Variants in CA8 observed in about 807,000 individuals in gnomAD.
CA8 encodes the protein carbonic anhydrase-related protein.
In CA8, 22 loss-of-function variants were observed where a neutral mutation model predicts 41.4. That is an observed-to-expected ratio of 0.53 (90% CI 0.38 to 0.76). The LOEUF (loss-of-function observed/expected upper bound fraction) is 0.76. Among genes scored for constraint, CA8 ranks in the 30% least tolerant of loss-of-function variants. CA8 has a pLI of 0.00. For synonymous variants in CA8, 121 were observed against 130.6 expected (o/e 0.93, Z 0.50); for missense variants, 270 against 352.8 (o/e 0.77, Z 1.88).
At chr8:60,231,920 C>A (rs1358494350) in intron 4 of CA8, among the ~76,000 whole-genome samples, 1 of 152,248 alleles carries the variant, frequency 6.6e-6, no homozygotes, top group Admixed American at 6.5e-5. Flanking sequence ...CTACTACATA[C>A]TTCTATTATT....
At chr8:60,197,862 A>C (rs954157924) in intron 8 of CA8, among the ~76,000 whole-genome samples, 1 of 152,238 alleles carries the variant, frequency 6.6e-6, no homozygotes, top group Non-Finnish European at 1.5e-5. Flanking sequence ...AAGATGAGAA[A>C]GAGATGTAGA....
At chr8:60,256,966 G>T (rs551732468) in intron 3 of CA8, among the ~76,000 whole-genome samples, 1 of 151,990 alleles carries the variant, frequency 6.6e-6, no homozygotes, top group African/African-American at 2.4e-5. Context: ...AACGTTTTTT[G>T]TTTTATTTGT....
At chr8:60,263,381 T>C (rs970412226) in intron 3 of CA8, among the ~76,000 whole-genome samples, 2 of 151,496 alleles carry the variant, frequency 1.3e-5, no homozygotes, top group African/African-American at 4.9e-5. Context: ...GAGTAAGTAT[T>C]TGCTTATAGT....
intron 8 of CA8, among the ~76,000 whole-genome samples, chr8:60,204,736 G>A (rs1806529070): frequency 6.6e-6 from 1 of 152,208 alleles, no homozygotes; most frequent in African/African-American, 2.4e-5. Flanking sequence ...AGAGCCTTCA[G>A]TTCTAACCCT....
intron 4 of CA8, among the ~76,000 whole-genome samples, chr8:60,230,048 A>G (rs1371757520): frequency 2.0e-5 from 3 of 152,142 alleles, no homozygotes; most frequent in East Asian, 1.9e-4. Context: ...CTTCTGGTCT[A>G]TTTCAAGACT....
chr8:60,277,327 A>G (rs560606678), intron 2 of CA8, among the ~76,000 whole-genome samples: 40 of 152,226 alleles, frequency 2.6e-4, no homozygotes, highest in Non-Finnish European at 5.0e-4. Flanking sequence ...CCACAGGCAG[A>G]AAGAACCACA....
At chr8:60,254,280 A>G (rs762330013) in intron 3 of CA8, among the ~76,000 whole-genome samples, 1 of 152,258 alleles carries the variant, frequency 6.6e-6, no homozygotes, top group Non-Finnish European at 1.5e-5. Flanking sequence ...CTCAAAACTC[A>G]GTAAACAGCC....
intron 8 of CA8, 179 bp downstream of exon 8, chr8:60,208,570 TA>T: frequency 1.6e-6 from 1 of 618,650 alleles, no homozygotes; most frequent in South Asian, 2.0e-5. Flanking sequence ...CAATACTGCA[TA>T]AAATTAAAAT....
intron 5 of CA8, among the ~76,000 whole-genome samples, chr8:60,224,868 T>G (rs1392178095): frequency 4.6e-5 from 7 of 152,260 alleles, no homozygotes; most frequent in African/African-American, 1.7e-4. Flanking sequence ...GTCAGTTACC[T>G]TTTCTGCTCT....
In CA8 at chr8:60,191,457, A is replaced by C. The variant is rs73683372; in HGVS notation, c.*36-1472T>G. The stretch of plus-strand genomic sequence containing the variant: ...CAAACTATGTTCCATAAAAAACAAC[A>C]ACCTGGTTGAAAAAACGAATCCATG... On this transcript the variant is annotated intron_variant, in intron 8 of 8. Transcript: ENST00000317995. Among the ~76,000 whole-genome samples, 1,444 of 152,198 alleles carry C rather than the reference A, an allele frequency of 9.5e-3. 21 individuals are homozygous for C. The highest frequency in any genetic ancestry group is 0.033 in the African/African-American group (1,386 of 41,542).
In CA8 at chr8:60,281,029, C is replaced by T. The variant is rs10086200; in HGVS notation, c.100+19G>A. 0.4 allele frequency: 632,267 copies of T among 1,581,286 alleles called. 128,833 individuals carry two copies. The highest frequency in any genetic ancestry group is 0.49 in the African/African-American group (36,304 of 74,234). On this transcript the variant is annotated intron_variant, in intron 1 of 8. Transcript: ENST00000317995. ...ACGCCGCCGCGGGACCCCGGACACC[C>T]CGACTCGCGGCCACTTACCTTCCTC... is the stretch of plus-strand genomic sequence containing the variant.
At chr8:60,196,471 A>T (rs1213947688) in intron 8 of CA8, among the ~76,000 whole-genome samples, 1 of 152,170 alleles carries the variant, frequency 6.6e-6, no homozygotes, top group Non-Finnish European at 1.5e-5. Flanking sequence ...GCCATACTCA[A>T]GCTGACTCCA....
Position 60,281,242 on chromosome 8 carries a change from G to C in CA8, c.-95C>G. Reference sequence around the variant, plus strand: ...GCCGGAGCGGAGCGCGCGTGGGGGAGTGTGAGCACGCGTGAGCGGCAGTGT... The same window carrying C: ...GCCGGAGCGGAGCGCGCGTGGGGGACTGTGAGCACGCGTGAGCGGCAGTGT... On this transcript the variant is annotated 5_prime_UTR_variant, in exon 1 of 9. Coordinates refer to ENST00000317995, the MANE Select transcript of CA8 (RefSeq NM_004056.6). 2.4e-6 allele frequency: 2 copies of C among 824,234 alleles called. No individual in the cohort carries two copies. Among genetic ancestry groups the C allele is most frequent in the Non-Finnish European group, 4.0e-6 (2 of 503,978 alleles). 51.1% of individuals were successfully genotyped at this position (824,234 alleles called of 1,614,324 possible).
chr8:60,249,997 C>T (rs1175199169), intron 3 of CA8, among the ~76,000 whole-genome samples: 1 of 152,136 alleles, frequency 6.6e-6, no homozygotes, highest in Admixed American at 6.6e-5. Context: ...TACCTAGCAT[C>T]AGAAATATAA....
chr8:60,226,808 C>T (rs1307102955), intron 5 of CA8, 65 bp downstream of exon 5: 4 of 883,208 alleles, frequency 4.5e-6, no homozygotes, highest in Non-Finnish European at 3.8e-6. Flanking sequence ...GCATCGAGCC[C>T]GCAGGTGGTC....
At chr8:60,208,568 C>T in intron 8 of CA8, 182 bp downstream of exon 8, 2 of 613,966 alleles carry the variant, frequency 3.3e-6, no homozygotes, top group East Asian at 2.8e-5. Context: ...TTCAATACTG[C>T]ATAAAATTAA....
intron 3 of CA8, among the ~76,000 whole-genome samples, chr8:60,249,051 G>C (rs1204799293): frequency 6.6e-6 from 1 of 151,928 alleles, no homozygotes; most frequent in East Asian, 1.9e-4. Flanking sequence ...TCAAGATTTG[G>C]TCCATTGACT....
At chr8:60,231,271 C>T (rs929124731) in intron 4 of CA8, among the ~76,000 whole-genome samples, 8 of 152,086 alleles carry the variant, frequency 5.3e-5, no homozygotes, top group African/African-American at 1.2e-4. Flanking sequence ...AGAGGACTCA[C>T]TGAAAAATGT....
At chr8:60,277,359 CT>C (rs113659462) in intron 2 of CA8, among the ~76,000 whole-genome samples, 3,639 of 146,380 alleles carry the variant, frequency 0.025, 124 homozygotes, top group African/African-American at 0.083. Context: ...TATTATTCAC[CT>C]TTTTTTTTTT....
Sources: allele counts gnomAD v4.1 joint callset (sites outside exome capture counted in the v4.1 genomes callset), GRCh38; gene constraint gnomAD v4.1.1; transcripts MANE v1.5; gene names NCBI Gene and HGNC (gene_info 2026-07-23, HGNC 2026-07-21).